The following PTPRS variants were observed in gnomAD, a reference collection of about 807,000 sequenced individuals.
PTPRS encodes the protein protein tyrosine phosphatase receptor type S.
Under a neutral mutation model 215.3 loss-of-function variants are expected in PTPRS, and 63 were observed. The ratio of observed to expected loss-of-function variants is 0.29; its 90% CI spans 0.24 to 0.36. The LOEUF is 0.36. Ranked by LOEUF, PTPRS falls within the 10% of genes least tolerant of loss-of-function variation. PTPRS has a pLI of 1.00. For missense variants in PTPRS, 2,258 were observed against 2,825.8 expected (o/e 0.80, Z 4.56); for synonymous variants, 1,404 against 1,191.4 (o/e 1.18, Z -3.68).
chr19:5,300,780 AAAAAAG>A (rs2049279319), intron 1 of PTPRS, among the ~76,000 whole-genome samples: 3 of 151,238 alleles, frequency 2.0e-5, no homozygotes, highest in South Asian at 2.1e-4. Context: ...AAAAAAAAAA[AAAAAAG>A]AAAAGAAAAG....
At position 5,302,776 on chromosome 19, in the gene PTPRS, G is replaced by A. The variant is rs890090249; in HGVS notation, c.-94-16542C>T. Among the ~76,000 whole-genome samples the A allele has an allele frequency of 7.2e-5, 11 of 151,926 alleles. No homozygotes were observed. The South Asian group carries it at 1.5e-3, about 20-fold the overall frequency. On this transcript the variant is annotated intron_variant, in intron 1 of 37. Coordinates refer to ENST00000262963, the MANE Select transcript of PTPRS (RefSeq NM_002850.4). ...TTCCTGACTTCAAAAACCATGGCTC[G>A]GCCAGGCGTGGTGGCTCACGCCTGT...
At position 5,229,503 on chromosome 19, in the gene PTPRS, C is replaced by A; in HGVS notation, c.2337G>T (p.Leu779=). 6.9e-7 allele frequency: 1 copy of A among 1,451,390 alleles called. No homozygotes were observed. The highest frequency in any genetic ancestry group is 9.1e-7 in the Non-Finnish European group (1 of 1,104,512). The allele number at this position is 1,451,390 out of a possible 1,614,324, so 89.9% of individuals were successfully genotyped here. The change falls in exon 15 of 38, where the codon CTG becomes CTT. Residue 779 remains leucine, a synonymous_variant. Coordinates refer to ENST00000262963, the MANE Select transcript of PTPRS (RefSeq NM_002850.4). ...GCCCCCCGCCCACCTGGGCATCGGC[C>A]AGCATGACGTCCTTGATGCGCGGCG... is the stretch of plus-strand genomic sequence containing the variant. The part of the protein sequence containing the change: ...RGPPRIKDVM[L]ADAQWETDDT...
chr19:5,244,587 G>A lies in PTPRS; in HGVS notation c.989-105C>T. 1.1e-6 allele frequency: 1 copy of A among 914,754 alleles called. No homozygotes were observed. Among genetic ancestry groups the A allele is most frequent in the Non-Finnish European group, 1.6e-6 (1 of 609,340 alleles). 56.7% of individuals were successfully genotyped at this position (914,754 alleles called of 1,614,324 possible). A position where few individuals can be genotyped will look rare whatever the true frequency, so the allele number is the denominator to read the frequency against. On this transcript the variant is annotated intron_variant, in intron 10 of 37. Coordinates refer to ENST00000262963, the MANE Select transcript of PTPRS (RefSeq NM_002850.4). This position sits in a 1 kb window ranked among gnomAD's most constrained non-coding sequence, Gnocchi z 7.2. ...AGTCGCCTTCTCTGAGCCTTGATTT[G>A]CCCAGCAGTAATCATGGGCCTCATG...
In PTPRS at chr19:5,219,356, C is replaced by T. The variant is rs763007823; in HGVS notation, c.3877G>A (p.Val1293Met). The change falls in exon 23 of 38, where the codon GTG (valine) becomes ATG (methionine). Residue 1293 changes from valine (V) to methionine (M), a missense_variant. Coordinates refer to ENST00000262963, the MANE Select transcript of PTPRS (RefSeq NM_002850.4). ...ATGACAATGCAGATTATGAAGACCACGGCCAGCACAGGCCCGATCACCCAG... is the reference window on the plus strand; with the variant it reads ...ATGACAATGCAGATTATGAAGACCATGGCCAGCACAGGCCCGATCACCCAG... ...LIWVIGPVLA[V>M]VFIICIVIAI... The T allele has an allele frequency of 2.5e-6, 4 of 1,613,902 alleles. No homozygotes were observed. The highest frequency in any genetic ancestry group is 2.5e-6 in the Non-Finnish European group (3 of 1,179,976).
chr19:5,220,922 G>A (rs1014077335), intron 20 of PTPRS, 78 bp downstream of exon 20: 11 of 1,489,840 alleles, frequency 7.4e-6, no homozygotes, highest in South Asian at 1.3e-5. Flanking sequence ...GAGGCACAGA[G>A]AGGGCACGTG....
intron 1 of PTPRS, among the ~76,000 whole-genome samples, chr19:5,333,616 C>A (rs1369791292): frequency 6.6e-6 from 1 of 152,068 alleles, no homozygotes; most frequent in Non-Finnish European, 1.5e-5. Flanking sequence ...GCCCCCCTCA[C>A]CTCCAGCCAC....
At chr19:5,266,071 G>A (rs952654593) in intron 4 of PTPRS, among the ~76,000 whole-genome samples, 16 of 152,062 alleles carry the variant, frequency 1.1e-4, no homozygotes, top group Admixed American at 6.5e-5. Flanking sequence ...ACCCAGCCTG[G>A]CCCACATGGT....
intron 5 of PTPRS, among the ~76,000 whole-genome samples, chr19:5,263,441 G>A (rs966360892): frequency 3.3e-5 from 5 of 152,096 alleles, no homozygotes; most frequent in African/African-American, 4.8e-5. Context: ...GGGGGGCAAC[G>A]ATGGGCAGTG....
chr19:5,294,421 T>C lies in PTPRS; in HGVS notation c.-94-8187A>G, dbSNP rs2049063776. 1.3e-5 allele frequency: 2 copies of C among 152,178 alleles called. No homozygotes were observed. Among genetic ancestry groups the C allele is most frequent in the African/African-American group, 4.8e-5 (2 of 41,414 alleles). The allele number at this position is 152,178 out of a possible 1,614,324, so 9.4% of individuals were successfully genotyped here. ...TGGGGCCCCCGGAACTGAGGATATA[T>C]CATGAATAATTTCAAGCCCCTTGGG... On this transcript the variant is annotated intron_variant, in intron 1 of 37. Coordinates refer to ENST00000262963, the MANE Select transcript of PTPRS (RefSeq NM_002850.4). This position sits in a 1 kb window ranked among gnomAD's most constrained non-coding sequence, Gnocchi z 5.1.
In PTPRS at chr19:5,263,057, G is replaced by A. The variant is rs984253236; in HGVS notation, c.569-85C>T. 28 of 616,580 alleles carry A rather than the reference G, an allele frequency of 4.5e-5. No homozygotes were observed. The Admixed American group carries it at 4.6e-4, about 10-fold the overall frequency. 38.2% of individuals were successfully genotyped at this position (616,580 alleles called of 1,614,324 possible). ...AAGAATCCTATGTCCTCAGCGAGGA[G>A]GGGAGGGCGGGGGAGGGGAGGGGGA... On this transcript the variant is annotated intron_variant, in intron 5 of 37. Coordinates refer to ENST00000262963, the MANE Select transcript of PTPRS (RefSeq NM_002850.4).
At position 5,252,234 on chromosome 19, in the gene PTPRS, C is replaced by T. The variant is rs183851622; in HGVS notation, c.718+3874G>A. Among the ~76,000 whole-genome samples the T allele has an allele frequency of 5.3e-5, 8 of 152,220 alleles. No homozygotes were observed. In the East Asian group the frequency reaches 1.4e-3, roughly 26 times the overall value. On this transcript the variant is annotated intron_variant, in intron 9 of 37. Transcript: ENST00000262963. ...CTGCGTTAAATTATGCCAGTCCCAT[C>T]GGCCTCTTCCAAAACCTTGAAGATA...
At chr19:5,334,115 G>A (rs539703710) in intron 1 of PTPRS, among the ~76,000 whole-genome samples, 5 of 152,310 alleles carry the variant, frequency 3.3e-5, no homozygotes, top group East Asian at 1.9e-4. Context: ...TTCAGCTCCC[G>A]CCAGTCGCCC....
chr19:5,215,402 G>C lies in PTPRS; in HGVS notation c.4205C>G (p.Pro1402Arg). 6.2e-7 allele frequency: 1 copy of C among 1,614,114 alleles called. No homozygotes were observed. Among genetic ancestry groups the C allele is most frequent in the Non-Finnish European group, 8.5e-7 (1 of 1,180,022 alleles). ...ATGTTCCCATGTGAACTGCTGTCCA[G>C]GGTCGATGGACTACAGAGGAAGGGG... The part of the protein sequence containing the change: ...KLSQEYESID[P>R]GQQFTWEHSN... Residue 1402 changes from proline (P) to arginine (R), a missense_variant, in exon 28 of 38, where the codon CCT (proline) becomes CGT (arginine). Physicochemically the swap from Pro to Arg is moderately radical, Grantham distance 103. Transcript: ENST00000262963.
intron 17 of PTPRS, 96 bp from the exon 18 acceptor site, chr19:5,223,393 T>A: frequency 7.8e-7 from 1 of 1,278,134 alleles, no homozygotes; most frequent in Non-Finnish European, 1.0e-6. Context: ...TCCTTCAATA[T>A]AACATTTTTT....
At chr19:5,227,935 C>T (rs561566537) in intron 16 of PTPRS, among the ~76,000 whole-genome samples, 5 of 152,168 alleles carry the variant, frequency 3.3e-5, no homozygotes, top group South Asian at 2.1e-4. Context: ...CAAGCACACA[C>T]GCACCCCCCC....
intron 1 of PTPRS, among the ~76,000 whole-genome samples, chr19:5,329,801 G>T (rs150701329): frequency 2.0e-5 from 3 of 151,380 alleles, no homozygotes; most frequent in African/African-American, 7.3e-5. Flanking sequence ...TCCAGGTCGG[G>T]CATGGTGGCT....
intron 2 of PTPRS, among the ~76,000 whole-genome samples, chr19:5,284,400 TAAATAAATAAATAAATAAA>T (rs1400232067): frequency 3.6e-5 from 5 of 139,646 alleles, no homozygotes; most frequent in Non-Finnish European, 8.0e-5. Context: ...AATAAATAAA[TAAATAAATAAATAAATAAA>T]AATTAGCCAG....
In PTPRS at chr19:5,223,011, C is replaced by G; in HGVS notation, c.2781G>C (p.Thr927=). 1 of 1,542,810 alleles carries G rather than the reference C, an allele frequency of 6.5e-7. No individual in the cohort carries two copies. Among genetic ancestry groups the G allele is most frequent in the Non-Finnish European group, 8.7e-7 (1 of 1,146,636 alleles). ...CCAGAATCTGCGGGTGGCCACGGGG[C>G]GTGTCCTCCGGGATGCTCAGGACCT... ...AAEVLSIPED[T]PRGHPQILEA... is the part of the protein sequence containing the mutation. Residue 927 remains threonine, a synonymous_variant, in exon 18 of 38, where the codon ACG becomes ACC. Coordinates refer to ENST00000262963, the MANE Select transcript of PTPRS (RefSeq NM_002850.4).
intron 36 of PTPRS, 58 bp downstream of exon 36, chr19:5,208,179 C>G: frequency 6.4e-7 from 1 of 1,558,012 alleles, no homozygotes; most frequent in East Asian, 2.3e-5. Flanking sequence ...GGGGCTGTCC[C>G]CACCAGGCCT....
Sources: allele counts gnomAD v4.1 joint callset (sites outside exome capture counted in the v4.1 genomes callset), GRCh38; gene constraint gnomAD v4.1.1; non-coding constraint Gnocchi (gnomAD v3.1); transcripts MANE v1.5; gene names NCBI Gene and HGNC (gene_info 2026-07-23, HGNC 2026-07-21).